Variants in GPC6 observed in about 807,000 individuals in gnomAD.
The protein encoded by GPC6 is glypican-6.
In GPC6, 14 loss-of-function variants were observed where a neutral mutation model predicts 55.2. The observed-to-expected ratio is 0.25, with a 90% CI of 0.17 to 0.40. GPC6 has a LOEUF of 0.40. Among genes scored for constraint, GPC6 ranks in the 10% least tolerant of loss-of-function variants. GPC6 has a pLI of 1.00. For missense variants in GPC6, 641 were observed against 708.5 expected (o/e 0.90, Z 1.08); for synonymous variants, 278 against 259.6 (o/e 1.07, Z -0.68).
At chr13:93,901,542 T>A (rs1876352077) in intron 3 of GPC6, among the ~76,000 whole-genome samples, 1 of 152,150 alleles carries the variant, frequency 6.6e-6, no homozygotes, top group African/African-American at 2.4e-5. Context: ...AAATTCTGAA[T>A]CAACTGGATG....
chr13:93,833,790 AT>A (rs1161744219), intron 3 of GPC6, among the ~76,000 whole-genome samples: 2 of 152,162 alleles, frequency 1.3e-5, no homozygotes, highest in Non-Finnish European at 2.9e-5. Flanking sequence ...CAACAGAATT[AT>A]TTTTAAAACT....
chr13:93,374,337 C>T (rs1386632548), intron 1 of GPC6, among the ~76,000 whole-genome samples: 1 of 152,148 alleles, frequency 6.6e-6, no homozygotes, highest in African/African-American at 2.4e-5. Flanking sequence ...CGATTAAGAA[C>T]ATTCTCCATG....
intron 2 of GPC6, among the ~76,000 whole-genome samples, chr13:93,659,586 A>G (rs1312044443): frequency 6.6e-6 from 1 of 152,038 alleles, no homozygotes; most frequent in Non-Finnish European, 1.5e-5. Context: ...ATGCAGATCA[A>G]TCAACATAGC....
chr13:93,923,774 T>A (rs1444593913), intron 3 of GPC6, among the ~76,000 whole-genome samples: 1 of 152,238 alleles, frequency 6.6e-6, no homozygotes, highest in Non-Finnish European at 1.5e-5. Context: ...GCTGTTAACA[T>A]GTACTTTACA....
At chr13:93,831,479 C>T (rs1405521410) in intron 3 of GPC6, among the ~76,000 whole-genome samples, 5 of 152,046 alleles carry the variant, frequency 3.3e-5, no homozygotes, top group South Asian at 2.1e-4. Flanking sequence ...TATTCCCAAA[C>T]ACTACTTTTC....
At chr13:93,734,976 G>A (rs1353281311) in intron 2 of GPC6, among the ~76,000 whole-genome samples, 2 of 152,116 alleles carry the variant, frequency 1.3e-5, no homozygotes, top group East Asian at 3.9e-4. Flanking sequence ...TTAATGAGTA[G>A]ACCTTAAATC....
chr13:94,015,203 T>C (rs531788418), intron 3 of GPC6, among the ~76,000 whole-genome samples: 1 of 152,216 alleles, frequency 6.6e-6, no homozygotes, highest in Non-Finnish European at 1.5e-5. Flanking sequence ...ACACTGGTTA[T>C]TATCTGTCTT....
chr13:94,354,688 A>C (rs1478363927), intron 6 of GPC6, among the ~76,000 whole-genome samples: 2 of 152,336 alleles, frequency 1.3e-5, no homozygotes, highest in South Asian at 2.1e-4. Context: ...ATGAGTGCAA[A>C]ATGAAAAGAA....
At chr13:93,730,109 G>A (rs1361228079) in intron 2 of GPC6, among the ~76,000 whole-genome samples, 1 of 152,160 alleles carries the variant, frequency 6.6e-6, no homozygotes, top group African/African-American at 2.4e-5. Context: ...CTTTCTGTAA[G>A]TAAGATATGT....
chr13:94,289,065 G>A (rs1874794867), intron 5 of GPC6, among the ~76,000 whole-genome samples: 3 of 150,368 alleles, frequency 2.0e-5, no homozygotes. Context: ...GATCCCAGCT[G>A]TGTAGCTAGA....
At chr13:94,014,743 A>G (rs1882392828) in intron 3 of GPC6, among the ~76,000 whole-genome samples, 1 of 152,098 alleles carries the variant, frequency 6.6e-6, no homozygotes, top group Non-Finnish European at 1.5e-5. Flanking sequence ...TTCTGTCTCT[A>G]TGGATTTGCC....
In GPC6 at chr13:94,259,537, G is replaced by A. The variant is rs550186281; in HGVS notation, c.878-26812G>A. Among the ~76,000 whole-genome samples, 9 of 151,978 alleles carry A rather than the reference G, an allele frequency of 5.9e-5. No individual in the cohort carries two copies. In the South Asian group the frequency reaches 1.9e-3, roughly 32 times the overall value. The stretch of plus-strand genomic sequence containing the variant: ...TCAAAAATATTTTAACGATTTTTTG[G>A]GTGTATGATTCAGTGGCATTAAGAA... On this transcript the variant is annotated intron_variant, in intron 4 of 8. Coordinates refer to ENST00000377047, the MANE Select transcript of GPC6 (RefSeq NM_005708.5).
chr13:94,321,436 A>G (rs1280147275), intron 6 of GPC6, among the ~76,000 whole-genome samples: 1 of 152,142 alleles, frequency 6.6e-6, no homozygotes, highest in African/African-American at 2.4e-5. Context: ...ATACCTAGTA[A>G]TGGGATTGCT....
At chr13:93,421,489 A>G (rs1007094087) in intron 1 of GPC6, among the ~76,000 whole-genome samples, 4 of 152,306 alleles carry the variant, frequency 2.6e-5, no homozygotes, top group African/African-American at 4.8e-5. Context: ...TAAAATGACT[A>G]TTGCTTAGAG....
At chr13:94,265,167 T>C (rs1325682652) in intron 4 of GPC6, among the ~76,000 whole-genome samples, 3 of 152,022 alleles carry the variant, frequency 2.0e-5, no homozygotes, top group Non-Finnish European at 4.4e-5. Context: ...AACTGGCGTG[T>C]AATATGAAAA....
At chr13:93,402,069 A>T (rs2762099) in intron 1 of GPC6, among the ~76,000 whole-genome samples, 1 of 152,070 alleles carries the variant, frequency 6.6e-6, no homozygotes, top group Non-Finnish European at 1.5e-5. Context: ...GTGTCATAGG[A>T]CAAGTAAAAG....
In GPC6 at chr13:94,245,744, G is replaced by A. The variant is rs755253150; in HGVS notation, c.878-40605G>A. On this transcript the variant is annotated intron_variant, in intron 4 of 8. Coordinates refer to ENST00000377047, the MANE Select transcript of GPC6 (RefSeq NM_005708.5). ...TGTATGTGTGTGTGTGTGTCTGTGT[G>A]TGTGTGACAGTTTCTTTATCCATTC... Among the ~76,000 whole-genome samples the A allele has an allele frequency of 2.0e-5, 3 of 151,976 alleles. No individual in the cohort carries two copies. In the South Asian group the frequency reaches 6.2e-4, roughly 32 times the overall value.
intron 3 of GPC6, among the ~76,000 whole-genome samples, chr13:93,836,935 G>A (rs542259026): frequency 1.3e-5 from 2 of 152,254 alleles, no homozygotes; most frequent in African/African-American, 4.8e-5. Flanking sequence ...ACAGCATATG[G>A]AATGTATCAC....
intron 1 of GPC6, among the ~76,000 whole-genome samples, chr13:93,369,735 G>A (rs1432159213): frequency 1.3e-5 from 2 of 151,984 alleles, no homozygotes; most frequent in African/African-American, 4.8e-5. Context: ...TGTCACTTGG[G>A]AAAACTGTCA....
Sources: gnomAD v4.1 joint callset for allele counts (sites outside exome capture counted in the v4.1 genomes callset) on GRCh38, gnomAD v4.1.1 for gene constraint, MANE v1.5 for transcripts, NCBI Gene and HGNC (gene_info 2026-07-23, HGNC 2026-07-21) for gene names.